The following FBXL13 variants were observed in gnomAD, a reference collection of about 807,000 sequenced individuals.
The protein encoded by FBXL13 is F-box and leucine-rich repeat protein 13.
Under a neutral mutation model 83.6 loss-of-function variants are expected in FBXL13, and 67 were observed. The ratio of observed to expected loss-of-function variants is 0.80; its 90% CI spans 0.66 to 0.98. The LOEUF is 0.98. FBXL13 is among the 50% of genes least tolerant of loss of function. The probability of loss-of-function intolerance (pLI) is 0.00; values close to 1 mark genes in which losing one functional copy is unlikely to be tolerated. For synonymous variants in FBXL13, 272 were observed against 299.5 expected (o/e 0.91, Z 0.95); for missense variants, 822 against 866.5 (o/e 0.95, Z 0.64).
chr7:102,994,379 C>T (rs551276844), intron 6 of FBXL13, among the ~76,000 whole-genome samples: 1 of 150,186 alleles, frequency 6.7e-6, no homozygotes, highest in African/African-American at 2.4e-5. Context: ...TGCTTTTTGT[C>T]TCATGAAATA....
intron 6 of FBXL13, among the ~76,000 whole-genome samples, chr7:103,021,902 G>A (rs996201767): frequency 1.3e-5 from 2 of 152,132 alleles, no homozygotes; most frequent in Admixed American, 1.3e-4. Flanking sequence ...CTAGTACAAC[G>A]ATTGTGGAAG....
rs146985636 is a variant in FBXL13, at chr7:102,830,403, C to T, written c.1854+2437G>A. The stretch of plus-strand genomic sequence containing the variant: ...TGCCCATATGTCTGTGTGCTATGAA[C>T]GCAAGAATCTCTGTGAACTATCACT... On this transcript the variant is annotated intron_variant, in intron 18 of 19. Coordinates refer to ENST00000313221, the Ensembl canonical transcript of FBXL13. 4.3e-3 allele frequency among the ~76,000 whole-genome samples: 656 copies of T among 152,234 alleles called. 6 individuals are homozygous for T. Among genetic ancestry groups the T allele is most frequent in the African/African-American group, 0.015 (627 of 41,540 alleles).
intron 19 of FBXL13, among the ~76,000 whole-genome samples, chr7:102,814,680 A>G (rs1299749555): frequency 6.6e-6 from 1 of 152,224 alleles, no homozygotes; most frequent in Admixed American, 6.5e-5. Flanking sequence ...ATCATATACT[A>G]ATTCCTAGTT....
intron 10 of FBXL13, among the ~76,000 whole-genome samples, chr7:102,917,299 T>A (rs1433195600): frequency 6.6e-6 from 1 of 152,136 alleles, no homozygotes; most frequent in African/African-American, 2.4e-5. Flanking sequence ...CCAAGCCAAT[T>A]GAAAGGTCAA....
At chr7:102,828,274 A>G (rs1199704811) in intron 18 of FBXL13, among the ~76,000 whole-genome samples, 2 of 152,068 alleles carry the variant, frequency 1.3e-5, no homozygotes, top group African/African-American at 4.8e-5. Flanking sequence ...AGTGGTTTGT[A>G]GTTCTCCTTG....
Position 102,879,896 on chromosome 7 carries a change from CG to C in FBXL13, c.1389-1447del, listed in dbSNP as rs1221085016. 3.9e-5 allele frequency among the ~76,000 whole-genome samples: 6 copies of C among 152,136 alleles called. No individual in the cohort carries two copies. In the East Asian group the frequency reaches 1.2e-3, roughly 29 times the overall value. On this transcript the variant is annotated intron_variant, in intron 14 of 19. Coordinates refer to ENST00000313221, the Ensembl canonical transcript of FBXL13. ...TAATTCTGTGTATTTTTAGTAGAGA[CG>C]GGGTTTCACCATGTTAGCCAGGATG...
chr7:102,843,762 C>A (rs147631423), intron 17 of FBXL13, among the ~76,000 whole-genome samples: 1 of 151,868 alleles, frequency 6.6e-6, no homozygotes, highest in Admixed American at 6.6e-5. Context: ...GGCGACAGAG[C>A]GAGACTCCGT....
intron 2 of FBXL13, among the ~76,000 whole-genome samples, chr7:103,045,914 A>C (rs552713526): frequency 1.9e-4 from 29 of 152,340 alleles, no homozygotes; most frequent in African/African-American, 6.7e-4. Context: ...TCATGGTCGC[A>C]CATTTCTTTC....
At chr7:102,913,755 T>C (rs1449201960) in intron 10 of FBXL13, among the ~76,000 whole-genome samples, 2 of 152,218 alleles carry the variant, frequency 1.3e-5, no homozygotes, top group Non-Finnish European at 2.9e-5. Context: ...AAAAAATAGG[T>C]TTAAATATGC....
chr7:102,877,958 G>C (rs1333467163), intron 15 of FBXL13, among the ~76,000 whole-genome samples: 2 of 151,810 alleles, frequency 1.3e-5, no homozygotes, highest in Non-Finnish European at 2.9e-5. Context: ...CAAGACCTCT[G>C]ACAAGAGGGG....
At chr7:102,944,602 G>A in intron 8 of FBXL13, 1 of 1,592,630 alleles carries the variant, frequency 6.3e-7, no homozygotes, top group South Asian at 1.1e-5. Flanking sequence ...TACTATAGTA[G>A]GATAAGGTAG....
At chr7:102,967,155 A>C (rs1826055559) in intron 7 of FBXL13, among the ~76,000 whole-genome samples, 1 of 151,916 alleles carries the variant, frequency 6.6e-6, no homozygotes, top group African/African-American at 2.4e-5. Flanking sequence ...TTTTTAGTAG[A>C]GATGGCGTTG....
At chr7:103,010,663 C>T (rs908454620) in intron 6 of FBXL13, among the ~76,000 whole-genome samples, 1 of 152,146 alleles carries the variant, frequency 6.6e-6, no homozygotes, top group African/African-American at 2.4e-5. Flanking sequence ...CCTGGGGGCA[C>T]CCACCCACTC....
At chr7:102,926,001 G>C (rs1818055593) in intron 10 of FBXL13, among the ~76,000 whole-genome samples, 1 of 149,624 alleles carries the variant, frequency 6.7e-6, no homozygotes, top group Admixed American at 6.6e-5. Flanking sequence ...CAGAAAGCTT[G>C]AATGCCCAGA....
At chr7:103,000,371 T>A (rs1790261968) in intron 6 of FBXL13, among the ~76,000 whole-genome samples, 1 of 152,198 alleles carries the variant, frequency 6.6e-6, no homozygotes, top group African/African-American at 2.4e-5. Context: ...AAACAATGAA[T>A]GAATTTTTAA....
intron 17 of FBXL13, among the ~76,000 whole-genome samples, chr7:102,850,740 C>T (rs1242316534): frequency 1.3e-5 from 2 of 152,096 alleles, no homozygotes; most frequent in Non-Finnish European, 2.9e-5. Flanking sequence ...AGTTTCTAGT[C>T]CTCTCTGGGA....
chr7:102,852,691 G>C (rs1805445983), intron 17 of FBXL13, among the ~76,000 whole-genome samples: 1 of 152,130 alleles, frequency 6.6e-6, no homozygotes, highest in African/African-American at 2.4e-5. Flanking sequence ...AAAAATAATA[G>C]ATGTTGGCAG....
intron 8 of FBXL13, among the ~76,000 whole-genome samples, chr7:102,938,156 G>A (rs1010671195): frequency 1.3e-5 from 2 of 152,144 alleles, no homozygotes; most frequent in African/African-American, 2.4e-5. Context: ...TGAGGTAAAC[G>A]GATTTGTCAA....
chr7:102,959,883 A>G (rs1824901489), intron 8 of FBXL13, among the ~76,000 whole-genome samples: 1 of 152,168 alleles, frequency 6.6e-6, no homozygotes, highest in Non-Finnish European at 1.5e-5. Flanking sequence ...ATGTAAAAAT[A>G]ATTTAGTGGA....
Sources: gnomAD v4.1 joint callset for allele counts (sites outside exome capture counted in the v4.1 genomes callset) on GRCh38, gnomAD v4.1.1 for gene constraint, MANE v1.5 for transcripts, NCBI Gene and HGNC (gene_info 2026-07-23, HGNC 2026-07-21) for gene names.